The following SMAD1 variants were observed in gnomAD, a reference collection of about 807,000 sequenced individuals.
The protein encoded by SMAD1 is MAD, mothers against decapentaplegic homolog 1.
In SMAD1, 6 loss-of-function variants were observed where a neutral mutation model predicts 41.6. The ratio of observed to expected loss-of-function variants is 0.14; its 90% CI spans 0.08 to 0.28. The LOEUF (loss-of-function observed/expected upper bound fraction) is 0.28, where lower values mean the gene tolerates loss of function less well. Among genes scored for constraint, SMAD1 ranks in the 10% least tolerant of loss-of-function variants. The pLI, the probability that SMAD1 is intolerant of heterozygous loss-of-function variation, is 1.00. For synonymous variants in SMAD1, 206 were observed against 203.2 expected (o/e 1.01, Z -0.12); for missense variants, 379 against 582.6 (o/e 0.65, Z 3.60).
At chr4:145,509,998 A>G (rs549907736) in intron 1 of SMAD1, among the ~76,000 whole-genome samples, 1 of 152,316 alleles carries the variant, frequency 6.6e-6, no homozygotes, top group South Asian at 2.1e-4. Context: ...GTAAGAAAAT[A>G]ATAAGTTGGA....
chr4:145,491,178 A>T (rs1252256243), intron 1 of SMAD1, among the ~76,000 whole-genome samples: 1 of 152,220 alleles, frequency 6.6e-6, no homozygotes, highest in East Asian at 1.9e-4. Flanking sequence ...TTGCAACAAG[A>T]TATTGTTCTT....
Position 145,517,851 on chromosome 4 carries a change from T to C in SMAD1, c.400+2838T>C, listed in dbSNP as rs938916337. On this transcript the variant is annotated intron_variant, in intron 2 of 6. Transcript: ENST00000302085. The stretch of plus-strand genomic sequence containing the variant: ...GGAAGAGGTGGAAAACTGGCTTACA[T>C]AGGCATTTTGAGACTCCACAAATGC... Among the ~76,000 whole-genome samples the C allele has an allele frequency of 1.7e-4, 21 of 126,424 alleles. 4 individuals are homozygous for C. The highest frequency in any genetic ancestry group is 1.9e-4 in the Non-Finnish European group (10 of 51,356). 82.9% of individuals were successfully genotyped at this position (126,424 alleles called of 152,430 possible).
chr4:145,542,126 C>T (rs765259234), intron 3 of SMAD1, among the ~76,000 whole-genome samples: 1 of 152,198 alleles, frequency 6.6e-6, no homozygotes, highest in Non-Finnish European at 1.5e-5. Context: ...TATAATGAAA[C>T]TTGGTGAATT....
At chr4:145,501,289 T>C (rs1433533916) in intron 1 of SMAD1, among the ~76,000 whole-genome samples, 1 of 152,150 alleles carries the variant, frequency 6.6e-6, no homozygotes, top group African/African-American at 2.4e-5. Flanking sequence ...TTTTTTCAAG[T>C]GATAAAAAGA....
intron 1 of SMAD1, among the ~76,000 whole-genome samples, chr4:145,489,017 G>A (rs1051758895): frequency 1.3e-5 from 2 of 152,236 alleles, no homozygotes; most frequent in African/African-American, 4.8e-5. Flanking sequence ...AAGCATGAGT[G>A]TTGAGTATCT....
intron 2 of SMAD1, among the ~76,000 whole-genome samples, chr4:145,523,477 C>A (rs1030253268): frequency 6.6e-6 from 1 of 151,976 alleles, no homozygotes; most frequent in Non-Finnish European, 1.5e-5. Flanking sequence ...ATAAAATAGA[C>A]CAGGGAAAAT....
chr4:145,519,714 G>A (rs1730635531), intron 2 of SMAD1, among the ~76,000 whole-genome samples: 1 of 150,524 alleles, frequency 6.6e-6, no homozygotes, highest in Non-Finnish European at 1.5e-5. Flanking sequence ...ATTAACTATA[G>A]TCACCATGCT....
chr4:145,537,214 A>G (rs1209460557), intron 2 of SMAD1, among the ~76,000 whole-genome samples: 1 of 152,212 alleles, frequency 6.6e-6, no homozygotes, highest in Non-Finnish European at 1.5e-5. Flanking sequence ...AGATAAAATC[A>G]TCAATGTTAA....
chr4:145,556,448 CT>C lies in SMAD1; in HGVS notation c.1255-1337del, dbSNP rs201596541. ...AAGTTCTGATGTTCAGATATATTTT[CT>C]TTTTTCTTCTTTTTTTTCTTTTTTC... On this transcript the variant is annotated intron_variant, in intron 6 of 6. Transcript: ENST00000302085. Among the ~76,000 whole-genome samples the C allele has an allele frequency of 8.2e-4, 125 of 151,906 alleles. 1 individual carries two copies. In the East Asian group the frequency reaches 0.02, roughly 24 times the overall value.
intron 5 of SMAD1, among the ~76,000 whole-genome samples, chr4:145,548,114 C>G (rs1385379434): frequency 6.6e-6 from 1 of 152,154 alleles, no homozygotes; most frequent in Non-Finnish European, 1.5e-5. Flanking sequence ...ATGGGGCATG[C>G]CTCAGGAGCC....
intron 1 of SMAD1, among the ~76,000 whole-genome samples, chr4:145,505,714 A>G (rs1319501244): frequency 6.6e-6 from 1 of 152,110 alleles, no homozygotes; most frequent in Non-Finnish European, 1.5e-5. Flanking sequence ...CTCAAGTCTT[A>G]CTTTTTCTGT....
At chr4:145,510,340 G>T (rs1258652078) in intron 1 of SMAD1, among the ~76,000 whole-genome samples, 1 of 151,850 alleles carries the variant, frequency 6.6e-6, no homozygotes. Context: ...TCTTTGGCGG[G>T]TATTAGAGTG....
intron 2 of SMAD1, among the ~76,000 whole-genome samples, chr4:145,520,004 A>T (rs1730655043): frequency 6.6e-6 from 1 of 152,220 alleles, no homozygotes; most frequent in Non-Finnish European, 1.5e-5. Flanking sequence ...TTTGAAAAAA[A>T]TGTTCAACAT....
chr4:145,546,509 A>G (rs1041734180), intron 4 of SMAD1, 194 bp from the exon 5 acceptor site: 1 of 563,102 alleles, frequency 1.8e-6, no homozygotes, highest in Admixed American at 3.0e-5. Context: ...ATTTTCTCCA[A>G]TTAGGAGAAT....
At chr4:145,510,002 A>G (rs7661162) in intron 1 of SMAD1, among the ~76,000 whole-genome samples, 4,541 of 152,284 alleles carry the variant, frequency 0.03, 142 homozygotes, top group South Asian at 0.098. Context: ...GAAAATAATA[A>G]GTTGGAGTCC....
chr4:145,496,035 A>G (rs1729054506), intron 1 of SMAD1, among the ~76,000 whole-genome samples: 2 of 152,244 alleles, frequency 1.3e-5, no homozygotes, highest in East Asian at 3.9e-4. Flanking sequence ...GTCTTGTTGA[A>G]TGATAGCTTA....
At chr4:145,547,387 A>G (rs1258720496) in intron 5 of SMAD1, among the ~76,000 whole-genome samples, 1 of 152,224 alleles carries the variant, frequency 6.6e-6, no homozygotes, top group African/African-American at 2.4e-5. Flanking sequence ...AGGGACACCA[A>G]ATTGAACAAC....
intron 1 of SMAD1, among the ~76,000 whole-genome samples, chr4:145,502,667 A>G (rs1300388420): frequency 6.6e-6 from 1 of 152,254 alleles, no homozygotes; most frequent in African/African-American, 2.4e-5. Context: ...GCACACCTAA[A>G]ATAAATAAAC....
At chr4:145,484,576 A>C (rs1196837287) in intron 1 of SMAD1, 2 of 152,352 alleles carry the variant, frequency 1.3e-5, no homozygotes, top group Non-Finnish European at 2.9e-5. Context: ...ATGGCCAGGG[A>C]TACCAGTGTG....
Sources: gnomAD v4.1 joint callset for allele counts (sites outside exome capture counted in the v4.1 genomes callset) on GRCh38, gnomAD v4.1.1 for gene constraint, MANE v1.5 for transcripts, NCBI Gene and HGNC (gene_info 2026-07-23, HGNC 2026-07-21) for gene names.